Variants in PDGFD observed in about 807,000 individuals in gnomAD.
PDGFD encodes the protein platelet-derived growth factor D.
In PDGFD, 30 loss-of-function variants were observed where a neutral mutation model predicts 44.7. The observed-to-expected ratio is 0.67, with a 90% CI of 0.50 to 0.91. PDGFD has a LOEUF of 0.91. Ranked by LOEUF, PDGFD falls within the 40% of genes least tolerant of loss-of-function variation. The probability of loss-of-function intolerance (pLI) is 0.00; values close to 1 mark genes in which losing one functional copy is unlikely to be tolerated. For missense variants in PDGFD, 445 were observed against 457.8 expected, an observed-to-expected ratio of 0.97 and a Z score of 0.25; for synonymous variants, 173 against 168.4, an observed-to-expected ratio of 1.03 and a Z score of -0.21.
At chr11:104,147,143 C>A (rs17102106) in intron 1 of PDGFD, among the ~76,000 whole-genome samples, 2,162 of 152,208 alleles carry the variant, frequency 0.014, 47 homozygotes, top group African/African-American at 0.047. Flanking sequence ...AGATTCTGAT[C>A]TTGCGAAGTT....
At chr11:104,161,659 C>T (rs1271431467) in intron 1 of PDGFD, among the ~76,000 whole-genome samples, 1 of 152,120 alleles carries the variant, frequency 6.6e-6, no homozygotes, top group Non-Finnish European at 1.5e-5. Flanking sequence ...TATCTGCTAG[C>T]CCTTTGAAGG....
intron 1 of PDGFD, among the ~76,000 whole-genome samples, chr11:104,065,371 C>T (rs183657430): frequency 6.1e-4 from 93 of 152,250 alleles, no homozygotes; most frequent in African/African-American, 2.1e-3. Flanking sequence ...CATTCAGCTT[C>T]AACAAACTAT....
chr11:104,021,097 T>C (rs1211176749), intron 1 of PDGFD, among the ~76,000 whole-genome samples: 4 of 152,192 alleles, frequency 2.6e-5, no homozygotes, highest in African/African-American at 9.6e-5. Context: ...AAGTGCTTTA[T>C]CTTTTTGTGG....
At chr11:104,052,186 T>C (rs918744573) in intron 1 of PDGFD, among the ~76,000 whole-genome samples, 6 of 152,198 alleles carry the variant, frequency 3.9e-5, no homozygotes, top group Non-Finnish European at 5.9e-5. Context: ...GTAGCATGTA[T>C]CAGTACTTTA....
chr11:103,924,698 A>C (rs1011516228), intron 6 of PDGFD, among the ~76,000 whole-genome samples: 1 of 152,200 alleles, frequency 6.6e-6, no homozygotes, highest in East Asian at 1.9e-4. Context: ...TGTTTTCAGA[A>C]TAGAAATCAA....
At chr11:104,038,733 A>G (rs550710852) in intron 1 of PDGFD, 1 of 167,222 alleles carries the variant, frequency 6.0e-6, no homozygotes, top group African/African-American at 2.4e-5. Context: ...GCTATAAAAC[A>G]AAGGCAATAA....
chr11:104,080,801 T>C (rs1335814876), intron 1 of PDGFD, among the ~76,000 whole-genome samples: 3 of 152,218 alleles, frequency 2.0e-5, no homozygotes, highest in Non-Finnish European at 4.4e-5. Context: ...CATTGCAGTT[T>C]CCACCCTAGC....
chr11:103,932,246 T>C (rs1858413639), intron 5 of PDGFD, among the ~76,000 whole-genome samples: 1 of 152,120 alleles, frequency 6.6e-6, no homozygotes, highest in Non-Finnish European at 1.5e-5. Flanking sequence ...TGAGCACCCA[T>C]AAAACCATTC....
intron 4 of PDGFD, among the ~76,000 whole-genome samples, chr11:103,944,250 T>A (rs1333119292): frequency 6.6e-6 from 1 of 152,176 alleles, no homozygotes; most frequent in Non-Finnish European, 1.5e-5. Flanking sequence ...AGGATTCACA[T>A]GGGGAACATA....
intron 1 of PDGFD, among the ~76,000 whole-genome samples, chr11:104,002,695 T>C (rs1427228818): frequency 2.0e-5 from 3 of 152,230 alleles, no homozygotes; most frequent in African/African-American, 7.2e-5. Context: ...TATTGTATTA[T>C]AGTATTTTCA....
intron 1 of PDGFD, among the ~76,000 whole-genome samples, chr11:104,009,604 T>C (rs1343384789): frequency 2.0e-5 from 3 of 151,920 alleles, no homozygotes; most frequent in Admixed American, 6.6e-5. Context: ...ATGAAAGAGA[T>C]GGAAGATAGA....
intron 1 of PDGFD, among the ~76,000 whole-genome samples, chr11:104,072,624 A>G (rs988403488): frequency 9.9e-5 from 15 of 151,984 alleles, no homozygotes; most frequent in Non-Finnish European, 1.6e-4. Context: ...TAACAGATAT[A>G]ATAGGCAGTC....
chr11:103,942,835 G>A (rs1424000300), intron 5 of PDGFD, among the ~76,000 whole-genome samples: 2 of 152,088 alleles, frequency 1.3e-5, no homozygotes, highest in African/African-American at 2.4e-5. Context: ...CTTCTTCATT[G>A]CTAACTAACC....
chr11:104,134,334 T>C (rs1861969139), intron 1 of PDGFD, among the ~76,000 whole-genome samples: 1 of 152,168 alleles, frequency 6.6e-6, no homozygotes, highest in Non-Finnish European at 1.5e-5. Context: ...AGAAAAGTAC[T>C]TCCCATTAAT....
intron 5 of PDGFD, among the ~76,000 whole-genome samples, chr11:103,932,741 T>A (rs1858424528): frequency 1.3e-5 from 2 of 152,240 alleles, no homozygotes; most frequent in Non-Finnish European, 2.9e-5. Flanking sequence ...AGACACTCAA[T>A]AATTACTACC....
intron 1 of PDGFD, among the ~76,000 whole-genome samples, chr11:104,150,857 T>C (rs994198793): frequency 2.0e-5 from 3 of 152,184 alleles, no homozygotes; most frequent in Non-Finnish European, 2.9e-5. Context: ...GATCCTTAAG[T>C]AAATCATATC....
chr11:103,929,767 G>C (rs748695042), intron 5 of PDGFD, among the ~76,000 whole-genome samples: 8 of 152,154 alleles, frequency 5.3e-5, no homozygotes, highest in Admixed American at 1.3e-4. Context: ...TTTCTGCAGG[G>C]GATATTGAGT....
At chr11:104,004,492 G>A (rs901233529) in intron 1 of PDGFD, among the ~76,000 whole-genome samples, 9 of 152,208 alleles carry the variant, frequency 5.9e-5, no homozygotes, top group Admixed American at 2.6e-4. Flanking sequence ...TATATAATGG[G>A]TTTTGGTATC....
intron 1 of PDGFD, among the ~76,000 whole-genome samples, chr11:104,096,950 G>A (rs1861297864): frequency 6.6e-6 from 1 of 152,152 alleles, no homozygotes; most frequent in Non-Finnish European, 1.5e-5. Flanking sequence ...CTTAAGTGAG[G>A]TCACTATTTA....
Sources: allele counts gnomAD v4.1 joint callset (sites outside exome capture counted in the v4.1 genomes callset), GRCh38; gene constraint gnomAD v4.1.1; transcripts MANE v1.5; gene names NCBI Gene and HGNC (gene_info 2026-07-23, HGNC 2026-07-21).